Variants in USH2A observed in about 807,000 individuals in gnomAD.
USH2A encodes the protein usherin.
USH2A carries 443 observed loss-of-function variants against 538.9 expected under a neutral mutation model. That is an observed-to-expected ratio of 0.82 (90% CI 0.76 to 0.89). The LOEUF is 0.89. USH2A is among the 40% of genes least tolerant of loss of function. The pLI, the probability that USH2A is intolerant of heterozygous loss-of-function variation, is 0.00. For missense variants in USH2A, 6,633 were observed against 6,324.8 expected (o/e 1.05, Z -1.65); for synonymous variants, 2,413 against 2,273.5 (o/e 1.06, Z -1.75).
chr1:216,374,004 C>T (rs915713069), intron 3 of USH2A, among the ~76,000 whole-genome samples: 3 of 149,258 alleles, frequency 2.0e-5, no homozygotes, highest in African/African-American at 7.4e-5. Context: ...ATCGCAAGGA[C>T]AAAAAACCAA....
intron 15 of USH2A, among the ~76,000 whole-genome samples, chr1:216,210,560 C>T (rs919876647): frequency 6.6e-6 from 1 of 152,096 alleles, no homozygotes; most frequent in East Asian, 1.9e-4. Flanking sequence ...TGTTACCCTT[C>T]CTGTAAAATA....
intron 14 of USH2A, among the ~76,000 whole-genome samples, chr1:216,221,717 TC>T (rs1418988886): frequency 2.0e-5 from 3 of 152,204 alleles, no homozygotes; most frequent in African/African-American, 7.2e-5. Flanking sequence ...TCAGCAAGGT[TC>T]TGATCTGAGA....
chr1:216,387,441 G>A (rs141127278), intron 3 of USH2A, among the ~76,000 whole-genome samples: 1 of 152,240 alleles, frequency 6.6e-6, no homozygotes, highest in Admixed American at 6.5e-5. Context: ...TAGATCAAAT[G>A]TTTCTGTGTG....
chr1:216,125,309 T>C (rs2033227862), intron 21 of USH2A, among the ~76,000 whole-genome samples: 2 of 151,802 alleles, frequency 1.3e-5, no homozygotes, highest in African/African-American at 2.4e-5. Context: ...ACTCAAACAA[T>C]ATGGGACCCC....
intron 44 of USH2A, 113 bp from the exon 45 acceptor site, chr1:215,846,146 GT>G: frequency 9.8e-7 from 1 of 1,016,234 alleles, no homozygotes; most frequent in Admixed American, 2.3e-5. Flanking sequence ...GAGAGCCTTT[GT>G]TTTGGAAATG....
intron 9 of USH2A, among the ~76,000 whole-genome samples, chr1:216,298,514 T>C (rs1292298281): frequency 1.3e-5 from 2 of 152,108 alleles, no homozygotes; most frequent in African/African-American, 4.8e-5. Context: ...CAAAGACAAA[T>C]TTTACCAGTG....
chr1:215,779,856 C>T lies in USH2A; in HGVS notation c.10926G>A (p.Gln3642=). ...LIHTDTTDRR[Q]HTVTGLQPYT... ...TTGTTTTCTCACCTGTGACCGTATG[C>T]TGTCTCCTGTCAGTGGTGTCAGTGT... Residue 3642 remains glutamine (Q), a synonymous_variant, in exon 55 of 72, where the codon CAG becomes CAA. Transcript: ENST00000307340. The T allele has an allele frequency of 1.2e-6, 2 of 1,614,010 alleles. No individual in the cohort carries two copies. The highest frequency in any genetic ancestry group is 1.7e-6 in the Non-Finnish European group (2 of 1,180,026).
chr1:216,393,970 T>G (rs1380313274), intron 3 of USH2A, among the ~76,000 whole-genome samples: 2 of 152,162 alleles, frequency 1.3e-5, no homozygotes, highest in Admixed American at 1.3e-4. Flanking sequence ...AGGGCCAACA[T>G]TTTTTGAAAT....
At chr1:216,354,267 G>T (rs1341385125) in intron 4 of USH2A, among the ~76,000 whole-genome samples, 1 of 152,036 alleles carries the variant, frequency 6.6e-6, no homozygotes, top group Non-Finnish European at 1.5e-5. Flanking sequence ...AGGGAAAAAC[G>T]CCAAAAAATA....
chr1:215,675,031 T>C lies in USH2A; in HGVS notation c.12880A>G (p.Ile4294Val). The change falls in exon 63 of 72, where the codon ATT becomes GTT. Residue 4294 changes from isoleucine to valine, a missense_variant. Physicochemically the swap from Ile to Val is conservative, Grantham distance 29 (BLOSUM62 3). Coordinates refer to ENST00000307340, the MANE Select transcript of USH2A (RefSeq NM_206933.4). ...CTTTGAAGCCTATAGGACTGGATAA[T>C]ACCATTAGACTGTTCTGGTGGGATC... Reference protein sequence around the residue: ...SWIPPEQSNGIIQSYRLQRNE... With the variant: ...SWIPPEQSNGVIQSYRLQRNE... 2 of 1,614,174 alleles carry C rather than the reference T, an allele frequency of 1.2e-6. No homozygotes were observed. Among genetic ancestry groups the C allele is most frequent in the Admixed American group, 1.7e-5 (1 of 60,022 alleles).
At chr1:216,314,644 T>C (rs996130712) in intron 9 of USH2A, among the ~76,000 whole-genome samples, 2 of 152,140 alleles carry the variant, frequency 1.3e-5, no homozygotes, top group Admixed American at 6.6e-5. Context: ...TAGAGTGTGA[T>C]GTTGGCACCA....
rs1034356137 is a variant in USH2A, at chr1:216,129,697, G to GA, written c.4628-32485dup. 4.0e-5 allele frequency among the ~76,000 whole-genome samples: 6 copies of GA among 151,186 alleles called. No homozygotes were observed. In the East Asian group the frequency reaches 5.8e-4, roughly 15 times the overall value. Reference sequence around the variant, plus strand: ...ACTAATGAAGTTCTTTATAAAAATCGAAAAAAAATCCTAAAATGTATATGG... The same window carrying GA: ...ACTAATGAAGTTCTTTATAAAAATCGAAAAAAAAATCCTAAAATGTATATGG... On this transcript the variant is annotated intron_variant, in intron 21 of 71. Transcript: ENST00000307340.
intron 49 of USH2A, among the ~76,000 whole-genome samples, chr1:215,812,255 G>A (rs1035306469): frequency 1.3e-5 from 2 of 151,932 alleles, no homozygotes; most frequent in African/African-American, 4.8e-5. Flanking sequence ...CAAAGTGCTG[G>A]GATTACAGGC....
Position 215,766,795 on chromosome 1 carries a change from A to G in USH2A, c.10940-7T>C. 1.2e-6 allele frequency: 2 copies of G among 1,611,756 alleles called. No individual in the cohort carries two copies. The highest frequency in any genetic ancestry group is 1.7e-6 in the Non-Finnish European group (2 of 1,177,908). The stretch of plus-strand genomic sequence containing the variant: ...TTGGTGTATGGCTGGAGACCTAGAA[A>G]AAGCAAGCAAGAAATAAAGTGCACC... On this transcript the variant is annotated splice_polypyrimidine_tract_variant and splice_region_variant and intron_variant, in intron 55 of 71. Coordinates refer to ENST00000307340, the MANE Select transcript of USH2A (RefSeq NM_206933.4).
At chr1:215,745,918 G>A (rs902726054) in intron 58 of USH2A, among the ~76,000 whole-genome samples, 3 of 152,168 alleles carry the variant, frequency 2.0e-5, no homozygotes, top group African/African-American at 7.2e-5. Flanking sequence ...ATTACTGATG[G>A]AACAAGCATA....
chr1:215,964,704 G>A (rs1278233627), intron 37 of USH2A, among the ~76,000 whole-genome samples: 1 of 152,100 alleles, frequency 6.6e-6, no homozygotes, highest in African/African-American at 2.4e-5. Flanking sequence ...ATATATACCT[G>A]CTCTTTTTAT....
chr1:215,843,917 G>T (rs1356271265), intron 46 of USH2A, among the ~76,000 whole-genome samples: 1 of 152,060 alleles, frequency 6.6e-6, no homozygotes, highest in Non-Finnish European at 1.5e-5. Flanking sequence ...GTAAATAGGA[G>T]AAATGGGAAG....
intron 61 of USH2A, among the ~76,000 whole-genome samples, chr1:215,717,002 C>T (rs1378430348): frequency 6.6e-6 from 1 of 152,184 alleles, no homozygotes; most frequent in Non-Finnish European, 1.5e-5. Context: ...AAGCCAGTTA[C>T]ATTACTTTCC....
chr1:216,393,884 G>A lies in USH2A; in HGVS notation c.651+24630C>T, dbSNP rs536949661. ...CAAGCTACAAATCAGGAAAATATTT[G>A]CAAAACAGACATCTGTTTGACAGAG... On this transcript the variant is annotated intron_variant, in intron 3 of 71. Coordinates refer to ENST00000307340, the MANE Select transcript of USH2A (RefSeq NM_206933.4). 2.3e-3 allele frequency among the ~76,000 whole-genome samples: 353 copies of A among 152,234 alleles called. 3 individuals carry two copies. Among genetic ancestry groups the A allele is most frequent in the African/African-American group, 8.3e-3 (345 of 41,542 alleles).
Sources: gnomAD v4.1 joint callset for allele counts (sites outside exome capture counted in the v4.1 genomes callset) on GRCh38, gnomAD v4.1.1 for gene constraint, MANE v1.5 for transcripts, NCBI Gene and HGNC (gene_info 2026-07-23, HGNC 2026-07-21) for gene names.